OR2C1: variants seen among roughly 807,000 people sequenced by gnomAD.
OR2C1 encodes olfactory receptor 2C1.
For synonymous variants in OR2C1, 209 were observed against 167.3 expected (o/e 1.25, Z -1.92); for missense variants, 468 against 388.3 (o/e 1.21, Z -1.73).
chr16:3,339,828 A>G, the OR2C1 span, among the ~76,000 whole-genome samples: 1 of 152,134 alleles, frequency 6.6e-6, no homozygotes, highest in Admixed American at 6.5e-5. Flanking sequence ...TATTTCATAT[A>G]TTATCATTAT....
chr16:3,324,603 C>G, the OR2C1 span, among the ~76,000 whole-genome samples: 1 of 152,162 alleles, frequency 6.6e-6, no homozygotes, highest in African/African-American at 2.4e-5. Flanking sequence ...TAATGGATTT[C>G]TCTCTACGTA....
the OR2C1 span, among the ~76,000 whole-genome samples, chr16:3,347,275 A>G: frequency 5.4e-4 from 76 of 141,736 alleles, 1 homozygote; most frequent in African/African-American, 1.9e-3. Flanking sequence ...AAAGGAGCCA[A>G]GGATGGTGGC....
upstream of OR2C1, among the ~76,000 whole-genome samples, chr16:3,355,465 A>AAAAAAACAAAAAAAC (rs2030648283): frequency 7.1e-6 from 1 of 141,638 alleles, no homozygotes; most frequent in Non-Finnish European, 1.5e-5. Context: ...CTCAAAAAAA[A>AAAAAAACAAAAAAAC]AAAAAAAGCT....
upstream of OR2C1, among the ~76,000 whole-genome samples, chr16:3,355,472 A>AAAAAAAAAAAAAAAAAATT (rs2030648897): frequency 7.1e-6 from 1 of 141,442 alleles, no homozygotes; most frequent in Non-Finnish European, 1.5e-5. Context: ...AAAAAAAAAA[A>AAAAAAAAAAAAAAAAAATT]GCTTGCAATC....
the OR2C1 span, among the ~76,000 whole-genome samples, chr16:3,335,608 C>G: frequency 6.9e-6 from 1 of 144,452 alleles, no homozygotes; most frequent in Non-Finnish European, 1.5e-5. Context: ...CTCACTGCAA[C>G]CTCCACCTCC....
chr16:3,330,503 G>T, the OR2C1 span, among the ~76,000 whole-genome samples: 1 of 152,084 alleles, frequency 6.6e-6, no homozygotes, highest in Admixed American at 6.6e-5. Flanking sequence ...GAACAGAATG[G>T]AGAGTCCAGA....
At chr16:3,333,911 T>C in the OR2C1 span, among the ~76,000 whole-genome samples, 1 of 152,036 alleles carries the variant, frequency 6.6e-6, no homozygotes, top group African/African-American at 2.4e-5. Flanking sequence ...TTATTCTACC[T>C]ATGTATATCC....
chr16:3,355,785 A>T, upstream of OR2C1: 1 of 623,696 alleles, frequency 1.6e-6, no homozygotes, highest in South Asian at 2.1e-5. Context: ...CTGTCTCAAA[A>T]AACAAACAAA....
At chr16:3,338,749 G>T in the OR2C1 span, among the ~76,000 whole-genome samples, 1 of 152,078 alleles carries the variant, frequency 6.6e-6, no homozygotes, top group African/African-American at 2.4e-5. Context: ...TGTTAGCCAG[G>T]ATGGTCTCGA....
At chr16:3,350,333 G>C in the OR2C1 span, among the ~76,000 whole-genome samples, 1 of 151,766 alleles carries the variant, frequency 6.6e-6, no homozygotes, top group Non-Finnish European at 1.5e-5. Flanking sequence ...GAGATTACAG[G>C]CGTGAGCCAC....
At chr16:3,339,342 A>G in the OR2C1 span, among the ~76,000 whole-genome samples, 1 of 150,356 alleles carries the variant, frequency 6.7e-6, no homozygotes, top group Non-Finnish European at 1.5e-5. Flanking sequence ...TACATGTTTG[A>G]GTACCTGTTT....
the OR2C1 span, among the ~76,000 whole-genome samples, chr16:3,346,476 C>T: frequency 6.6e-6 from 1 of 152,064 alleles, no homozygotes; most frequent in Non-Finnish European, 1.5e-5. Context: ...TTGAGTGGGC[C>T]ACCCAGTGTT....
chr16:3,351,230 T>C (rs903033842), upstream of OR2C1, among the ~76,000 whole-genome samples: 9 of 120,966 alleles, frequency 7.4e-5, no homozygotes, highest in African/African-American at 1.0e-4. Context: ...CTTTTTCTTT[T>C]TTTTTTTTTT....
the OR2C1 span, among the ~76,000 whole-genome samples, chr16:3,326,920 C>G: frequency 6.6e-6 from 1 of 152,152 alleles, no homozygotes; most frequent in Non-Finnish European, 1.5e-5. Flanking sequence ...TAGGATCAAG[C>G]ATCACCTCAT....
chr16:3,325,131 G>A, the OR2C1 span, among the ~76,000 whole-genome samples: 1 of 152,076 alleles, frequency 6.6e-6, no homozygotes, highest in East Asian at 1.9e-4. Context: ...ACAGGCACCT[G>A]CCACCAGGCC....
upstream of OR2C1, among the ~76,000 whole-genome samples, chr16:3,355,518 A>G (rs1311249594): frequency 6.8e-6 from 1 of 146,830 alleles, no homozygotes; most frequent in Non-Finnish European, 1.5e-5. Flanking sequence ...GCAGTGGTTC[A>G]TGCCTGTAAT....
At chr16:3,326,416 A>G in the OR2C1 span, among the ~76,000 whole-genome samples, 3 of 152,184 alleles carry the variant, frequency 2.0e-5, no homozygotes, top group African/African-American at 2.4e-5. Context: ...TCTACAGACC[A>G]TCCAGGTCCC....
At chr16:3,327,482 C>T in the OR2C1 span, among the ~76,000 whole-genome samples, 4 of 151,980 alleles carry the variant, frequency 2.6e-5, no homozygotes, top group Admixed American at 2.6e-4. Flanking sequence ...GACCAAAAAA[C>T]TTTACTGACA....
chr16:3,350,645 T>G, the OR2C1 span, among the ~76,000 whole-genome samples: 3 of 148,074 alleles, frequency 2.0e-5, no homozygotes, highest in Non-Finnish European at 4.5e-5. Flanking sequence ...TCTCCTGACC[T>G]TGTGATCCTC....
Sources: gnomAD v4.1 joint callset for allele counts (sites outside exome capture counted in the v4.1 genomes callset) on GRCh38, gnomAD v4.1.1 for gene constraint, MANE v1.5 for transcripts, NCBI Gene and HGNC (gene_info 2026-07-23, HGNC 2026-07-21) for gene names.